Variants in ARL3 observed in about 807,000 individuals in gnomAD.
ARL3 encodes ADP-ribosylation factor-like protein 3.
In ARL3, 9 loss-of-function variants were observed where a neutral mutation model predicts 26.0. The observed-to-expected ratio is 0.35, with a 90% CI of 0.21 to 0.60. The LOEUF (loss-of-function observed/expected upper bound fraction) is 0.60, where lower values mean the gene tolerates loss of function less well. ARL3 is among the 20% of genes least tolerant of loss of function. The pLI, the probability that ARL3 is intolerant of heterozygous loss-of-function variation, is 0.78. For synonymous variants in ARL3, 71 were observed against 78.4 expected, an observed-to-expected ratio of 0.91 and a Z score of 0.50; for missense variants, 158 against 215.7, an observed-to-expected ratio of 0.73 and a Z score of 1.67.
chr10:102,708,908 A>ATATATATATATTAT, intron 1 of ARL3, among the ~76,000 whole-genome samples: 1 of 95,350 alleles, frequency 1.0e-5, no homozygotes, highest in Non-Finnish European at 2.0e-5. Context: ...ATATATATAT[A>ATATATATATATTAT]TTTTTTTTTT....
intron 3 of ARL3, 43 bp from the exon 4 acceptor site, chr10:102,689,986 GA>G: frequency 1.5e-6 from 2 of 1,367,256 alleles, no homozygotes; most frequent in South Asian, 1.3e-5. Flanking sequence ...AGCAGAGATG[GA>G]AAAGACAGGG....
chr10:102,697,763 T>C (rs1301666315), intron 3 of ARL3, among the ~76,000 whole-genome samples: 1 of 150,784 alleles, frequency 6.6e-6, no homozygotes, highest in Non-Finnish European at 1.5e-5. Flanking sequence ...TTAGGAGGAG[T>C]AGCCAGTGAG....
At chr10:102,699,673 T>C (rs2064268621) in intron 2 of ARL3, among the ~76,000 whole-genome samples, 184 bp from the exon 3 acceptor site, 1 of 152,238 alleles carries the variant, frequency 6.6e-6, no homozygotes, top group South Asian at 2.1e-4. Context: ...GCTTGTTTCA[T>C]CCAGGTTGTG....
intron 3 of ARL3, among the ~76,000 whole-genome samples, chr10:102,690,169 G>T (rs1289389289): frequency 6.6e-6 from 1 of 152,078 alleles, no homozygotes; most frequent in African/African-American, 2.4e-5. Context: ...CAAAGTCTAG[G>T]ATTTAGGAAA....
chr10:102,682,066 G>T (rs1269804471), intron 5 of ARL3, among the ~76,000 whole-genome samples: 2 of 152,120 alleles, frequency 1.3e-5, no homozygotes, highest in Non-Finnish European at 2.9e-5. Flanking sequence ...CCTAGGAGGG[G>T]CCCTGGCAAC....
Position 102,705,484 on chromosome 10 carries a change from C to A in ARL3, c.9G>T (p.Leu3Phe). MG[L>F]LSILRKLKSA... The stretch of plus-strand genomic sequence containing the variant: ...TTTTCAACTTGCGCAAAATTGAGAG[C>A]AAGCCCTTCAACAACCACAAAGGAG... The change falls in exon 2 of 6, where the codon TTG becomes TTT. Residue 3 changes from leucine (L) to phenylalanine (F), a missense_variant. Leu to Phe is a conservative substitution (Grantham distance 22). Coordinates refer to ENST00000260746, the MANE Select transcript of ARL3 (RefSeq NM_004311.4). 1 of 1,590,974 alleles carries A rather than the reference C, an allele frequency of 6.3e-7. No individual in the cohort carries two copies.
chr10:102,679,540 C>T (rs1288610781), intron 5 of ARL3, among the ~76,000 whole-genome samples: 1 of 152,196 alleles, frequency 6.6e-6, no homozygotes, highest in Non-Finnish European at 1.5e-5. Context: ...TACCAGTTCT[C>T]CACGGATGTG....
chr10:102,709,104 C>T (rs1564734395), intron 1 of ARL3, among the ~76,000 whole-genome samples: 1 of 151,038 alleles, frequency 6.6e-6, no homozygotes, highest in Non-Finnish European at 1.5e-5. Context: ...CAGGGTTTCA[C>T]TATGTTGCCC....
At chr10:102,677,004 C>T (rs2064133914) in intron 5 of ARL3, 63 bp from the exon 6 acceptor site, 2 of 1,574,840 alleles carry the variant, frequency 1.3e-6, no homozygotes, top group Non-Finnish European at 1.7e-6. Flanking sequence ...CACACTCTAG[C>T]CTGGAGGGGC....
chr10:102,708,909 T>TATATATATATATATA (rs561344200), intron 1 of ARL3, among the ~76,000 whole-genome samples: 45 of 80,396 alleles, frequency 5.6e-4, no homozygotes, highest in African/African-American at 2.1e-3. Flanking sequence ...TATATATATA[T>TATATATATATATATA]TTTTTTTTTT....
chr10:102,692,034 T>A (rs1419838855), intron 3 of ARL3, among the ~76,000 whole-genome samples: 1 of 152,214 alleles, frequency 6.6e-6, no homozygotes, highest in South Asian at 2.1e-4. Flanking sequence ...AGTACAAGGA[T>A]GCAGCTGGAG....
chr10:102,685,446 G>A (rs554272240), intron 5 of ARL3, among the ~76,000 whole-genome samples: 6 of 152,146 alleles, frequency 3.9e-5, no homozygotes, highest in East Asian at 3.9e-4. Flanking sequence ...TGACTAGTAC[G>A]TGTATGGTTA....
At chr10:102,682,481 T>C (rs2064160456) in intron 5 of ARL3, among the ~76,000 whole-genome samples, 1 of 152,180 alleles carries the variant, frequency 6.6e-6, no homozygotes, top group Non-Finnish European at 1.5e-5. Context: ...AATGGCTTCG[T>C]ATGTGCTGCC....
intron 3 of ARL3, among the ~76,000 whole-genome samples, chr10:102,694,553 T>A (rs2064237243): frequency 1.3e-5 from 2 of 152,150 alleles, no homozygotes; most frequent in Non-Finnish European, 2.9e-5. Context: ...TTTTTGCATG[T>A]CGATGTCCCA....
chr10:102,682,901 TG>T (rs1367026363), intron 5 of ARL3, among the ~76,000 whole-genome samples: 1 of 151,302 alleles, frequency 6.6e-6, no homozygotes, highest in African/African-American at 2.4e-5. Flanking sequence ...TTTGGGGAGG[TG>T]GGGTGGGGTA....
At chr10:102,683,345 G>T (rs1184405471) in intron 5 of ARL3, among the ~76,000 whole-genome samples, 2 of 152,082 alleles carry the variant, frequency 1.3e-5, no homozygotes, top group East Asian at 1.9e-4. Flanking sequence ...TTCAAATAAT[G>T]GTTAAATTCT....
At chr10:102,691,669 C>T (rs745656017) in intron 3 of ARL3, among the ~76,000 whole-genome samples, 8 of 152,146 alleles carry the variant, frequency 5.3e-5, no homozygotes, top group Admixed American at 2.0e-4. Context: ...ATCAATTTGT[C>T]GACCTGCTCT....
At chr10:102,685,419 C>T (rs7906327) in intron 5 of ARL3, among the ~76,000 whole-genome samples, 151,909 of 152,188 alleles carry the variant, frequency 1, 75,815 homozygotes, top group East Asian at 1. Context: ...ACAGAAGAAA[C>T]AAAAACACTT....
intron 2 of ARL3, among the ~76,000 whole-genome samples, chr10:102,704,151 CAAAAAAAAAAAAA>C (rs56326932): frequency 4.3e-5 from 2 of 46,094 alleles, no homozygotes; most frequent in African/African-American, 9.3e-5. Flanking sequence ...ACTCTGTCTC[CAAAAAAAAAAAAA>C]AAAAAAAAAA....
Sources: allele counts gnomAD v4.1 joint callset (sites outside exome capture counted in the v4.1 genomes callset), GRCh38; gene constraint gnomAD v4.1.1; transcripts MANE v1.5; gene names NCBI Gene and HGNC (gene_info 2026-07-23, HGNC 2026-07-21).